Variants in KMT2C observed in about 807,000 individuals in gnomAD.
The protein encoded by KMT2C is histone-lysine N-methyltransferase 2C.
KMT2C carries 88 observed loss-of-function variants against 507.9 expected under a neutral mutation model. That is an observed-to-expected ratio of 0.17 (90% confidence interval 0.15 to 0.21). KMT2C has a LOEUF of 0.21. KMT2C is among the 10% of genes least tolerant of loss of function. KMT2C has a pLI of 1.00. For missense variants in KMT2C, 4,954 were observed against 5,957.8 expected, an observed-to-expected ratio of 0.83 and a Z score of 5.55; for synonymous variants, 2,049 against 2,080.8, an observed-to-expected ratio of 0.98 and a Z score of 0.42.
At chr7:152,414,327 C>T (rs1465444106) in intron 1 of KMT2C, among the ~76,000 whole-genome samples, 4 of 151,714 alleles carry the variant, frequency 2.6e-5, no homozygotes, top group Non-Finnish European at 2.9e-5. Context: ...GTCAGGAGTT[C>T]GAGACCAGCC....
intron 1 of KMT2C, among the ~76,000 whole-genome samples, chr7:152,362,452 G>A (rs548069692): frequency 9.2e-5 from 14 of 152,022 alleles, no homozygotes; most frequent in Non-Finnish European, 2.1e-4. Flanking sequence ...CTGGGGACTG[G>A]GAGACTAGAA....
intron 6 of KMT2C, among the ~76,000 whole-genome samples, chr7:152,297,055 C>CAGACAGACAGACAGAG (rs1315629061): frequency 1.3e-4 from 11 of 84,410 alleles, no homozygotes; most frequent in Non-Finnish European, 1.1e-4. Flanking sequence ...GAAAGAAAGA[C>CAGACAGACAGACAGAG]AGAGAGAGAG....
intron 6 of KMT2C, among the ~76,000 whole-genome samples, chr7:152,285,344 G>T (rs1257803043): frequency 6.6e-6 from 1 of 152,290 alleles, no homozygotes; most frequent in African/African-American, 2.4e-5. Context: ...GGTCATGAGT[G>T]AATTTATGGG....
Position 152,148,553 on chromosome 7 carries a change from T to C in KMT2C, c.13374A>G (p.Leu4458=), listed in dbSNP as rs2091355467. ...INVELALRRG[L]QMKCVFCHKT... ...TGTGACAGAAGACACATTTCATTTGTAGGCCTCTCCTCAGAGCTAGCTCCA... is the reference window on the plus strand; with the variant it reads ...TGTGACAGAAGACACATTTCATTTGCAGGCCTCTCCTCAGAGCTAGCTCCA... The change falls in exon 52 of 59, where the codon CTA becomes CTG. Residue 4458 remains leucine (L), a synonymous_variant. Transcript: ENST00000262189. The surrounding 1 kb of genome is among the most constrained non-coding windows in gnomAD (Gnocchi z 7.1). The C allele has an allele frequency of 2.5e-6, 4 of 1,614,154 alleles. No individual in the cohort carries two copies. In the African/African-American group the frequency reaches 4.0e-5, roughly 16 times the overall value.
intron 16 of KMT2C, among the ~76,000 whole-genome samples, chr7:152,233,644 C>G (rs1314466123): frequency 1.3e-5 from 2 of 151,998 alleles, no homozygotes; most frequent in African/African-American, 4.8e-5. Context: ...AGACAAGATG[C>G]AAATTATTAG....
At chr7:152,300,830 C>T (rs1165463940) in intron 6 of KMT2C, among the ~76,000 whole-genome samples, 11 of 151,938 alleles carry the variant, frequency 7.2e-5, no homozygotes, top group Admixed American at 5.2e-4. Flanking sequence ...GAGGCTGAGG[C>T]GGGTGGATCA....
intron 23 of KMT2C, among the ~76,000 whole-genome samples, chr7:152,209,999 T>C (rs1490796321): frequency 6.6e-6 from 1 of 152,086 alleles, no homozygotes; most frequent in Non-Finnish European, 1.5e-5. Context: ...GCTACTCTCA[T>C]TTGTGGGATG....
intron 1 of KMT2C, among the ~76,000 whole-genome samples, chr7:152,377,550 C>T (rs2097338597): frequency 6.6e-6 from 1 of 152,100 alleles, no homozygotes; most frequent in African/African-American, 2.4e-5. Context: ...CCCTGGCCAA[C>T]ATGGCAAAAC....
chr7:152,373,838 C>T (rs1443229158), intron 1 of KMT2C, among the ~76,000 whole-genome samples: 1 of 151,924 alleles, frequency 6.6e-6, no homozygotes, highest in Non-Finnish European at 1.5e-5. Flanking sequence ...TACTTATGAA[C>T]ATAAAGGAAG....
intron 14 of KMT2C, among the ~76,000 whole-genome samples, chr7:152,245,372 C>T (rs1762337577): frequency 1.3e-5 from 2 of 152,186 alleles, no homozygotes; most frequent in Non-Finnish European, 2.9e-5. Flanking sequence ...TCTAATGCAG[C>T]TAGCCAGAAC....
At chr7:152,246,997 AAATC>A (rs1399911015) in intron 14 of KMT2C, among the ~76,000 whole-genome samples, 18 of 152,304 alleles carry the variant, frequency 1.2e-4, no homozygotes, top group African/African-American at 4.1e-4. Context: ...TATACGATTA[AAATC>A]AATATATTAT....
chr7:152,343,217 T>G (rs1441177494), intron 2 of KMT2C, among the ~76,000 whole-genome samples: 6 of 152,212 alleles, frequency 3.9e-5, no homozygotes. Flanking sequence ...ATTAATATGC[T>G]AACGGTTCTA....
chr7:152,431,582 G>A (rs2097862608), intron 1 of KMT2C, among the ~76,000 whole-genome samples: 2 of 151,072 alleles, frequency 1.3e-5, no homozygotes, highest in East Asian at 3.9e-4. Context: ...CTCCAGCCTG[G>A]GCGGCAGAGC....
intron 53 of KMT2C, 24 bp downstream of exon 53, chr7:152,146,575 T>C (rs894212130): frequency 3.1e-6 from 5 of 1,612,950 alleles, no homozygotes; most frequent in Admixed American, 3.3e-5. Flanking sequence ...AATTCCAATC[T>C]CAAAGCCTGA....
rs537603294 is a variant in KMT2C, at chr7:152,216,093, T to C, written c.3712+4430A>G. Among the ~76,000 whole-genome samples, 191 of 152,236 alleles carry C rather than the reference T, an allele frequency of 1.3e-3. 1 individual carries two copies. Among genetic ancestry groups the C allele is most frequent in the Middle Eastern group, 0.01 (3 of 292 alleles). On this transcript the variant is annotated intron_variant, in intron 23 of 58. Transcript: ENST00000262189. ...ACCTGCTGGCCTTCTAGAGCCTCAG[T>C]GCAGTCCTATTCCCACACCTCCCAA...
intron 6 of KMT2C, among the ~76,000 whole-genome samples, chr7:152,275,465 A>G (rs909961103): frequency 1.3e-5 from 2 of 152,232 alleles, no homozygotes. Flanking sequence ...AAGCTTCTAA[A>G]TAACTCATAA....
chr7:152,367,501 A>G, intron 1 of KMT2C: 1 of 940,788 alleles, frequency 1.1e-6, no homozygotes, highest in Non-Finnish European at 1.7e-6. Flanking sequence ...TACAGGTGTG[A>G]GCCACCTTAC....
intron 53 of KMT2C, 125 bp from the exon 54 acceptor site, chr7:152,145,420 G>T: frequency 1.1e-6 from 1 of 926,948 alleles, no homozygotes; most frequent in Non-Finnish European, 1.6e-6. Context: ...TAATAAAATG[G>T]TCTTCTAGCT....
At chr7:152,306,956 A>C (rs2360217) in intron 6 of KMT2C, among the ~76,000 whole-genome samples, 50,617 of 151,976 alleles carry the variant, frequency 0.33, 12,388 homozygotes, top group African/African-American at 0.7. Context: ...CTCAGGAGAT[A>C]GAGACTAGCC....
Sources: gnomAD v4.1 joint callset for allele counts (sites outside exome capture counted in the v4.1 genomes callset) on GRCh38, gnomAD v4.1.1 for gene constraint, Gnocchi (gnomAD v3.1) non-coding constraint, MANE v1.5 for transcripts, NCBI Gene and HGNC (gene_info 2026-07-23, HGNC 2026-07-21) for gene names.